Variants in ROBO1 observed in about 807,000 individuals in gnomAD.
ROBO1 encodes roundabout guidance receptor 1.
A neutral mutation model predicts 195.9 loss-of-function variants in ROBO1; 149 were observed. That is an observed-to-expected ratio of 0.76 (90% CI 0.67 to 0.87). The LOEUF is 0.87. Among genes scored for constraint, ROBO1 ranks in the 40% least tolerant of loss-of-function variants. The pLI, the probability that ROBO1 is intolerant of heterozygous loss-of-function variation, is 0.00. For synonymous variants in ROBO1, 816 were observed against 733.2 expected (o/e 1.11, Z -1.82); for missense variants, 1,933 against 2,068.3 (o/e 0.93, Z 1.27).
intron 2 of ROBO1, among the ~76,000 whole-genome samples, chr3:79,431,424 T>C (rs1431032723): frequency 6.6e-6 from 1 of 152,120 alleles, no homozygotes; most frequent in African/African-American, 2.4e-5. Flanking sequence ...AGCAAGTTTG[T>C]AAAGTACTGT....
intron 8 of ROBO1, among the ~76,000 whole-genome samples, chr3:78,706,210 T>C (rs546427855): frequency 4.0e-4 from 61 of 151,990 alleles, no homozygotes; most frequent in African/African-American, 1.5e-3. Context: ...AGTTCAAGAA[T>C]AGGAGTAACT....
chr3:78,746,539 T>G (rs1390891762), intron 5 of ROBO1, among the ~76,000 whole-genome samples: 1 of 152,204 alleles, frequency 6.6e-6, no homozygotes, highest in South Asian at 2.1e-4. Context: ...TTTACTGATC[T>G]CTAAACACCA....
At chr3:79,588,631 A>G (rs1943902947) in intron 2 of ROBO1, among the ~76,000 whole-genome samples, 1 of 151,726 alleles carries the variant, frequency 6.6e-6, no homozygotes, top group African/African-American at 2.4e-5. Flanking sequence ...TATTTAAGAA[A>G]TGTATGATGT....
chr3:78,701,504 T>C (rs1310576878), intron 8 of ROBO1, among the ~76,000 whole-genome samples: 1 of 152,196 alleles, frequency 6.6e-6, no homozygotes, highest in Non-Finnish European at 1.5e-5. Context: ...CAATCTAGCA[T>C]AGAGTTATAT....
intron 2 of ROBO1, among the ~76,000 whole-genome samples, chr3:79,549,743 G>A (rs1394408747): frequency 1.3e-5 from 2 of 152,200 alleles, no homozygotes; most frequent in East Asian, 1.9e-4. Flanking sequence ...TCCATCCTCC[G>A]TAGACACAAA....
At chr3:78,921,698 G>A (rs1246382068) in intron 4 of ROBO1, among the ~76,000 whole-genome samples, 2 of 151,668 alleles carry the variant, frequency 1.3e-5, no homozygotes, top group African/African-American at 2.4e-5. Context: ...TTTAAACAGG[G>A]AACAAAATCT....
At chr3:79,617,590 AC>A (rs1560041954) in intron 1 of ROBO1, among the ~76,000 whole-genome samples, 1 of 152,138 alleles carries the variant, frequency 6.6e-6, no homozygotes, top group Non-Finnish European at 1.5e-5. Flanking sequence ...GCAAATTCAA[AC>A]ATAAGAAGAG....
intron 17 of ROBO1, among the ~76,000 whole-genome samples, chr3:78,658,183 C>A (rs748413842): frequency 4.6e-5 from 7 of 152,322 alleles, no homozygotes; most frequent in Non-Finnish European, 7.3e-5. Flanking sequence ...CTAACAGATT[C>A]ATCAGTGAGT....
chr3:79,125,450 C>T lies in ROBO1; in HGVS notation c.172+6G>A. On this transcript the variant is annotated splice_donor_region_variant and intron_variant, in intron 3 of 30. Transcript: ENST00000464233. ...GAAGTTAGTATTTGGGAAAGAGACA[C>T]TCTACCTGTATAGCCCAGCGAATTG... 6.2e-7 allele frequency: 1 copy of T among 1,612,440 alleles called. No individual in the cohort carries two copies. The highest frequency in any genetic ancestry group is 8.5e-7 in the Non-Finnish European group (1 of 1,178,956).
intron 3 of ROBO1, among the ~76,000 whole-genome samples, chr3:78,961,248 AAAAAAAATTTGAAAAGAC>A (rs1413401499): frequency 1.3e-5 from 2 of 149,976 alleles, no homozygotes; most frequent in Non-Finnish European, 2.9e-5. Context: ...TTTTTCATAC[AAAAAAAATTTGAAAAGAC>A]AGGGAGAGAT....
At chr3:78,946,839 A>C (rs1413579489) in intron 3 of ROBO1, among the ~76,000 whole-genome samples, 1 of 152,176 alleles carries the variant, frequency 6.6e-6, no homozygotes, top group Non-Finnish European at 1.5e-5. Context: ...TCTACCAAGC[A>C]AATGGAAAAC....
At chr3:79,522,680 A>G (rs1171706490) in intron 2 of ROBO1, among the ~76,000 whole-genome samples, 1 of 152,192 alleles carries the variant, frequency 6.6e-6, no homozygotes, top group African/African-American at 2.4e-5. Context: ...ATAGATTCCT[A>G]CGGTGCATAT....
chr3:79,548,212 G>A (rs764615938), intron 2 of ROBO1, among the ~76,000 whole-genome samples: 1 of 152,094 alleles, frequency 6.6e-6, no homozygotes, highest in African/African-American at 2.4e-5. Context: ...CCTGACCCTC[G>A]CTGTGCAAGT....
intron 1 of ROBO1, among the ~76,000 whole-genome samples, chr3:79,601,464 T>G (rs1944337299): frequency 6.6e-6 from 1 of 152,012 alleles, no homozygotes; most frequent in Admixed American, 6.6e-5. Flanking sequence ...CTGGAGGTCA[T>G]GAGATGGCAA....
intron 8 of ROBO1, among the ~76,000 whole-genome samples, chr3:78,696,699 T>C (rs940908413): frequency 1.4e-5 from 2 of 147,730 alleles, no homozygotes; most frequent in African/African-American, 2.5e-5. Context: ...CATATATATA[T>C]ACACATATAT....
intron 4 of ROBO1, among the ~76,000 whole-genome samples, chr3:78,846,122 A>C: frequency 6.6e-6 from 1 of 152,280 alleles, no homozygotes; most frequent in South Asian, 2.1e-4. Flanking sequence ...GAAAGATATA[A>C]ATGTAAAATC....
At chr3:78,808,143 T>C (rs1221362207) in intron 4 of ROBO1, among the ~76,000 whole-genome samples, 1 of 152,310 alleles carries the variant, frequency 6.6e-6, no homozygotes, top group East Asian at 1.9e-4. Flanking sequence ...TCAGAACTCC[T>C]TTTCCTAACC....
intron 3 of ROBO1, among the ~76,000 whole-genome samples, chr3:79,114,786 C>T (rs2079960000): frequency 6.6e-6 from 1 of 152,142 alleles, no homozygotes; most frequent in Non-Finnish European, 1.5e-5. Context: ...TTGGAAGAAA[C>T]ATATTCCACA....
At chr3:78,904,658 G>A (rs1297731750) in intron 4 of ROBO1, among the ~76,000 whole-genome samples, 1 of 148,554 alleles carries the variant, frequency 6.7e-6, no homozygotes. Context: ...AGTCCTCTGG[G>A]TTTGTCTGTG....
Sources: gnomAD v4.1 joint callset for allele counts (sites outside exome capture counted in the v4.1 genomes callset) on GRCh38, gnomAD v4.1.1 for gene constraint, MANE v1.5 for transcripts, NCBI Gene and HGNC (gene_info 2026-07-23, HGNC 2026-07-21) for gene names.